Variants in TLL1 observed in about 807,000 individuals in gnomAD.
TLL1 encodes the protein tolloid like 1.
Under a neutral mutation model 128.2 loss-of-function variants are expected in TLL1, and 49 were observed. The ratio of observed to expected loss-of-function variants is 0.38; its 90% CI spans 0.30 to 0.48. The LOEUF (loss-of-function observed/expected upper bound fraction) is 0.48. TLL1 is among the 20% of genes least tolerant of loss of function. The pLI is 0.96. For missense variants in TLL1, 1,123 were observed against 1,242.0 expected (o/e 0.90, Z 1.44); for synonymous variants, 454 against 418.8 (o/e 1.08, Z -1.03).
Position 166,003,476 on chromosome 4 carries a change from C to A in TLL1, c.718C>A (p.His240Asn). The A allele has an allele frequency of 6.2e-7, 1 of 1,613,998 alleles. No homozygotes were observed. The highest frequency in any genetic ancestry group is 1.1e-5 in the South Asian group (1 of 91,072). Residue 240 changes from histidine to asparagine, a missense_variant, in exon 6 of 21, where the codon CAT becomes AAT. Around this residue, in one of 3 missense-constraint regions of TLL1, gnomAD observed 480 missense variants for 542.4 expected, o/e 0.89. Coordinates refer to ENST00000061240, the MANE Select transcript of TLL1 (RefSeq NM_012464.5). ...CTGTGATAAATTTGGGATTGTTGTT[C>A]ATGAATTGGGTCATGTGATAGGCTT... ...KNCDKFGIVV[H>N]ELGHVIGFWH...
At chr4:166,049,638 A>T (rs1739620830) in intron 12 of TLL1, among the ~76,000 whole-genome samples, 2 of 151,354 alleles carry the variant, frequency 1.3e-5, no homozygotes, top group South Asian at 4.1e-4. Flanking sequence ...TTGAGCTGTA[A>T]TTATTCATGT....
chr4:165,967,553 C>A (rs2110971826), intron 1 of TLL1, among the ~76,000 whole-genome samples: 1 of 152,326 alleles, frequency 6.6e-6, no homozygotes, highest in South Asian at 2.1e-4. Context: ...GGGTTCCTGA[C>A]TGCCCACAAC....
Position 166,100,789 on chromosome 4 carries a change from C to T in TLL1, c.2955C>T (p.Phe985=). Residue 985 remains phenylalanine (F), a synonymous_variant, in exon 21 of 21, where the codon TTC becomes TTT. Transcript: ENST00000061240. ...TTGGAGATTCAGTTTTAATTCATTT[C>T]CACACTGATGACACAATCAACAAGA... is the stretch of plus-strand genomic sequence containing the variant. ...YSIGDSVLIH[F]HTDDTINKKG... is the part of the protein sequence containing the mutation. 6.2e-7 allele frequency: 1 copy of T among 1,613,062 alleles called. No homozygotes were observed. Among genetic ancestry groups the T allele is most frequent in the East Asian group, 2.2e-5 (1 of 44,754 alleles).
intron 3 of TLL1, 35 bp from the exon 4 acceptor site, chr4:165,994,346 T>G: frequency 6.2e-7 from 1 of 1,613,784 alleles, no homozygotes; most frequent in South Asian, 1.1e-5. Context: ...GACCAAGAAC[T>G]TCTGTTTCAC....
At chr4:166,029,188 C>G (rs189469137) in intron 9 of TLL1, among the ~76,000 whole-genome samples, 286 of 151,918 alleles carry the variant, frequency 1.9e-3, no homozygotes, top group African/African-American at 6.4e-3. Context: ...ATTTTTCTCT[C>G]TACTGGTTTG....
Position 165,966,575 on chromosome 4 carries a change from G to A in TLL1, c.170-22806G>A, listed in dbSNP as rs77651540. 5.3e-3 allele frequency among the ~76,000 whole-genome samples: 805 copies of A among 152,184 alleles called. 12 individuals carry two copies. The highest frequency in any genetic ancestry group is 0.018 in the African/African-American group (736 of 41,510). On this transcript the variant is annotated intron_variant, in intron 1 of 20. Transcript: ENST00000061240. The stretch of plus-strand genomic sequence containing the variant: ...TTATTTTCTATTTTCCCTAAGTGTC[G>A]GCTGGTCTGAGAAATAAAGGGAAAG...
At chr4:166,090,693 T>C (rs1741727216) in intron 18 of TLL1, among the ~76,000 whole-genome samples, 1 of 152,082 alleles carries the variant, frequency 6.6e-6, no homozygotes, top group Admixed American at 6.6e-5. Flanking sequence ...AATATAATAA[T>C]ACTTTATTGA....
intron 9 of TLL1, among the ~76,000 whole-genome samples, chr4:166,032,627 G>C (rs988449720): frequency 6.6e-6 from 1 of 152,016 alleles, no homozygotes; most frequent in Admixed American, 6.5e-5. Context: ...CATTTTAAAG[G>C]ATATGTGAAA....
intron 17 of TLL1, among the ~76,000 whole-genome samples, chr4:166,076,787 TA>T (rs1321832226): frequency 6.6e-6 from 1 of 152,168 alleles, no homozygotes; most frequent in Non-Finnish European, 1.5e-5. Context: ...CATAGATTAT[TA>T]GACAGGAACT....
chr4:165,887,150 A>G lies in TLL1; in HGVS notation c.169+13077A>G, dbSNP rs528198570. On this transcript the variant is annotated intron_variant, in intron 1 of 20. Coordinates refer to ENST00000061240, the MANE Select transcript of TLL1 (RefSeq NM_012464.5). ...GACCTTGATCCTGTTGGCAATGAGA[A>G]GTGAGCTTACTGAAAATCTAAAGCA... Among the ~76,000 whole-genome samples the G allele has an allele frequency of 2.6e-5, 4 of 152,318 alleles. No individual in the cohort carries two copies. The East Asian group carries it at 7.7e-4, about 29-fold the overall frequency.
At chr4:166,100,500 C>T (rs549038246) in intron 20 of TLL1, among the ~76,000 whole-genome samples, 4 of 152,168 alleles carry the variant, frequency 2.6e-5, no homozygotes, top group East Asian at 1.9e-4. Flanking sequence ...GAAAATGTAA[C>T]GTATGTTCAG....
rs887107704 is a variant in TLL1 at position 165,884,800 on chromosome 4, C to A, written c.169+10727C>A. ...GCAGTGAACTGAGATTGCACCACTGCACTCCAGTCTGGGTGACAGAGTGAG... is the reference window on the plus strand; with the variant it reads ...GCAGTGAACTGAGATTGCACCACTGAACTCCAGTCTGGGTGACAGAGTGAG... On this transcript the variant is annotated intron_variant, in intron 1 of 20. Coordinates refer to ENST00000061240, the MANE Select transcript of TLL1 (RefSeq NM_012464.5). Among the ~76,000 whole-genome samples, 12 of 152,142 alleles carry A rather than the reference C, an allele frequency of 7.9e-5. No individual in the cohort carries two copies. In the South Asian group the frequency reaches 1.0e-3, roughly 13 times the overall value.
intron 6 of TLL1, among the ~76,000 whole-genome samples, chr4:166,005,656 G>A (rs1396619116): frequency 4.0e-5 from 6 of 151,888 alleles, no homozygotes; most frequent in Non-Finnish European, 8.8e-5. Context: ...GGGAAATAAA[G>A]AGGAAATAAA....
intron 15 of TLL1, among the ~76,000 whole-genome samples, chr4:166,061,121 G>C (rs774266115): frequency 5.9e-5 from 9 of 152,172 alleles, no homozygotes; most frequent in Admixed American, 4.6e-4. Flanking sequence ...GAAATGTAAT[G>C]TATCTGTGCC....
At chr4:166,029,174 T>C (rs1450882768) in intron 9 of TLL1, among the ~76,000 whole-genome samples, 1 of 151,990 alleles carries the variant, frequency 6.6e-6, no homozygotes, top group Non-Finnish European at 1.5e-5. Flanking sequence ...TTTTATCATT[T>C]CGTATTTTTC....
intron 1 of TLL1, among the ~76,000 whole-genome samples, chr4:165,976,977 G>A (rs1735913324): frequency 6.6e-6 from 1 of 152,138 alleles, no homozygotes; most frequent in Non-Finnish European, 1.5e-5. Context: ...TGTGACCCAA[G>A]ACAGTTCTTC....
intron 1 of TLL1, among the ~76,000 whole-genome samples, chr4:165,905,508 G>A (rs1732207788): frequency 6.6e-6 from 1 of 152,022 alleles, no homozygotes; most frequent in Non-Finnish European, 1.5e-5. Flanking sequence ...ATTCACAAAG[G>A]ATTTCGTGTA....
intron 2 of TLL1, among the ~76,000 whole-genome samples, chr4:165,991,746 A>G (rs1324179717): frequency 6.6e-6 from 1 of 151,992 alleles, no homozygotes; most frequent in African/African-American, 2.4e-5. Context: ...AAATAGTTCA[A>G]GTGATTTGTG....
intron 1 of TLL1, among the ~76,000 whole-genome samples, chr4:165,875,456 C>T (rs1730683834): frequency 6.6e-6 from 1 of 152,106 alleles, no homozygotes; most frequent in African/African-American, 2.4e-5. Context: ...GCCAGAGTAG[C>T]TTAGCAGGAG....
Sources: gnomAD v4.1 joint callset for allele counts (sites outside exome capture counted in the v4.1 genomes callset) on GRCh38, gnomAD v4.1.1 for gene constraint, gnomAD v4.1.1 regional missense constraint, MANE v1.5 for transcripts, NCBI Gene and HGNC (gene_info 2026-07-23, HGNC 2026-07-21) for gene names.